The following AFDN variants were observed in gnomAD, a reference collection of about 807,000 sequenced individuals.
The protein encoded by AFDN is afadin, adherens junction formation factor.
A neutral mutation model predicts 216.6 loss-of-function variants in AFDN; 68 were observed. That is an observed-to-expected ratio of 0.31 (90% CI 0.26 to 0.38). AFDN has a LOEUF of 0.38. Among genes scored for constraint, AFDN ranks in the 10% least tolerant of loss-of-function variants. The pLI is 1.00. For missense variants in AFDN, 2,136 were observed against 2,342.0 expected (o/e 0.91, Z 1.82); for synonymous variants, 868 against 853.7 (o/e 1.02, Z -0.29).
chr6:167,889,137 C>T, intron 6 of AFDN, 78 bp from the exon 7 acceptor site: 1 of 893,048 alleles, frequency 1.1e-6, no homozygotes, highest in South Asian at 1.5e-5. Flanking sequence ...CATTCAAAAG[C>T]AATAAATGTG....
Position 167,880,400 on chromosome 6 carries a change from T to C in AFDN, c.780T>C (p.Asn260=). 6.2e-7 allele frequency: 1 copy of C among 1,613,534 alleles called. No homozygotes were observed. The highest frequency in any genetic ancestry group is 8.5e-7 in the Non-Finnish European group (1 of 1,179,684). The change falls in exon 6 of 34, where the codon AAT becomes AAC. Residue 260 remains asparagine, a synonymous_variant. Transcript: ENST00000683244. ...LRIYADSLKP[N]IPYKTILLST... Reference sequence around the variant, plus strand: ...TTTATGCAGATAGTTTAAAACCAAATATTCCCTACAAGACAATCCTGCTGT... The same window carrying C: ...TTTATGCAGATAGTTTAAAACCAAACATTCCCTACAAGACAATCCTGCTGT...
At chr6:167,920,258 G>C (rs1032894552) in intron 21 of AFDN, among the ~76,000 whole-genome samples, 1 of 152,144 alleles carries the variant, frequency 6.6e-6, no homozygotes, top group African/African-American at 2.4e-5. Context: ...AGGAGGGCTG[G>C]GTTTCAGTGC....
chr6:167,943,022 T>C lies in AFDN; in HGVS notation c.3100-107T>C, dbSNP rs1794876056. 5 of 737,322 alleles carry C rather than the reference T, an allele frequency of 6.8e-6. No homozygotes were observed. The East Asian group carries it at 1.4e-4, about 20-fold the overall frequency. The allele number at this position is 737,322 out of a possible 1,614,324, so 45.7% of individuals were successfully genotyped here. On this transcript the variant is annotated intron_variant, in intron 23 of 33. Coordinates refer to ENST00000683244, the MANE Select transcript of AFDN (RefSeq NM_001386888.1). ...AATGAGAACCAGGACTTTGTTGCAG[T>C]TATCTGTGTACATGTTGGGTGGTTT...
At chr6:167,958,074 A>G (rs1188539958) in intron 30 of AFDN, among the ~76,000 whole-genome samples, 2 of 152,196 alleles carry the variant, frequency 1.3e-5, no homozygotes, top group Non-Finnish European at 2.9e-5. Context: ...GAGCACCGAC[A>G]TTATGCCACA....
chr6:167,934,121 CGT>C (rs1793675814), intron 23 of AFDN, among the ~76,000 whole-genome samples: 1 of 152,176 alleles, frequency 6.6e-6, no homozygotes, highest in Admixed American at 6.5e-5. Context: ...GCAAATGTCG[CGT>C]GCGGTCTTTG....
At chr6:167,906,112 A>G (rs1789651287) in intron 12 of AFDN, among the ~76,000 whole-genome samples, 1 of 152,306 alleles carries the variant, frequency 6.6e-6, no homozygotes, top group Admixed American at 6.5e-5. Context: ...CAAGAAAAAA[A>G]ACCAAAAAAC....
At chr6:167,857,697 G>A (rs1166728579) in intron 1 of AFDN, among the ~76,000 whole-genome samples, 2 of 151,928 alleles carry the variant, frequency 1.3e-5, no homozygotes, top group African/African-American at 2.4e-5. Flanking sequence ...TTCAAAATCC[G>A]AGCTGTATGA....
chr6:167,891,404 G>GGGGTGT (rs1350794338), intron 8 of AFDN, among the ~76,000 whole-genome samples: 190 of 138,136 alleles, frequency 1.4e-3, no homozygotes, highest in Admixed American at 4.0e-3. Context: ...TTCATAAAGG[G>GGGGTGT]GTGGGTGTGT....
intron 9 of AFDN, 81 bp downstream of exon 9, chr6:167,893,987 A>C: frequency 1.9e-6 from 2 of 1,028,960 alleles, no homozygotes; most frequent in Non-Finnish European, 3.0e-6. Flanking sequence ...ATGACCAAAT[A>C]TCTTATGTAT....
At chr6:167,888,808 T>C (rs1787193331) in intron 6 of AFDN, among the ~76,000 whole-genome samples, 1 of 152,222 alleles carries the variant, frequency 6.6e-6, no homozygotes, top group Non-Finnish European at 1.5e-5. Context: ...ATATCTCATA[T>C]TGTATGAGCC....
chr6:167,845,492 G>C (rs1217328518), intron 1 of AFDN, among the ~76,000 whole-genome samples: 3 of 152,042 alleles, frequency 2.0e-5, no homozygotes, highest in Non-Finnish European at 2.9e-5. Flanking sequence ...CCACCTCCCA[G>C]GTTCAAGCGA....
chr6:167,911,201 T>G (rs1790343405), intron 14 of AFDN, 39 bp downstream of exon 14: 1 of 1,604,370 alleles, frequency 6.2e-7, no homozygotes, highest in Admixed American at 1.7e-5. Flanking sequence ...GAATTATTTC[T>G]TGATCCATTT....
At chr6:167,840,336 C>T (rs1445602514) in intron 1 of AFDN, among the ~76,000 whole-genome samples, 3 of 152,218 alleles carry the variant, frequency 2.0e-5, no homozygotes, top group African/African-American at 2.4e-5. Context: ...TCACTGTCCT[C>T]CTTGTAAGAG....
rs773177090 is a variant in AFDN at position 167,915,427 on chromosome 6, C to T, written c.2559C>T (p.Ile853=). The T allele has an allele frequency of 3.7e-6, 6 of 1,608,544 alleles. No individual in the cohort carries two copies. In the East Asian group the frequency reaches 6.7e-5, roughly 18 times the overall value. Residue 853 remains isoleucine, a synonymous_variant, in exon 19 of 34, where the codon ATC becomes ATT. Transcript: ENST00000683244. ...ELAADCHLSR[I]VQATTLLTMD... is the part of the protein sequence containing the mutation. ...CTGCGGACTGTCATCTGAGCAGGAT[C>T]GTGCAGGTGATTGCTGGTGCCACTC...
chr6:167,894,501 T>C (rs1787994957), intron 9 of AFDN, among the ~76,000 whole-genome samples: 1 of 152,154 alleles, frequency 6.6e-6, no homozygotes, highest in African/African-American at 2.4e-5. Flanking sequence ...TAACTGTCCT[T>C]CTAATTTGGA....
intron 1 of AFDN, among the ~76,000 whole-genome samples, chr6:167,847,504 CCTA>C (rs1781831446): frequency 6.6e-6 from 1 of 152,148 alleles, no homozygotes; most frequent in Non-Finnish European, 1.5e-5. Flanking sequence ...TCAGCCCTCT[CCTA>C]AGTCTTAGTG....
chr6:167,917,726 C>A (rs1791271481), intron 20 of AFDN, among the ~76,000 whole-genome samples: 1 of 152,172 alleles, frequency 6.6e-6, no homozygotes. Flanking sequence ...AAATATGAGT[C>A]ATGAGAATTA....
chr6:167,856,448 G>C (rs927667032), intron 1 of AFDN, among the ~76,000 whole-genome samples: 13 of 152,096 alleles, frequency 8.5e-5, no homozygotes, highest in South Asian at 2.1e-4. Flanking sequence ...CTTTGAACTA[G>C]AAAAGTGAAG....
rs1785691253 is a variant in AFDN at position 167,878,574 on chromosome 6, G to GCACA, written c.740-1780_740-1777dup. Among the ~76,000 whole-genome samples, 13 of 147,254 alleles carry GCACA rather than the reference G, an allele frequency of 8.8e-5. No homozygotes were observed. The South Asian group carries it at 2.2e-3, about 25-fold the overall frequency. ...CATGTGCACTCTTGCATGCACGCAC[G>GCACA]CACACACACCCACTCTCTCTCTCTC... On this transcript the variant is annotated intron_variant, in intron 5 of 33. Coordinates refer to ENST00000683244, the MANE Select transcript of AFDN (RefSeq NM_001386888.1).
Sources: allele counts gnomAD v4.1 joint callset (sites outside exome capture counted in the v4.1 genomes callset), GRCh38; gene constraint gnomAD v4.1.1; transcripts MANE v1.5; gene names NCBI Gene and HGNC (gene_info 2026-07-23, HGNC 2026-07-21).